PTPRG: variants seen among roughly 807,000 people sequenced by gnomAD.
The protein encoded by PTPRG is protein tyrosine phosphatase receptor type G.
Under a neutral mutation model 165.3 loss-of-function variants are expected in PTPRG, and 102 were observed. The observed-to-expected ratio is 0.62, with a 90% CI of 0.53 to 0.73. The LOEUF is 0.73. PTPRG is among the 30% of genes least tolerant of loss of function. The pLI is 0.00. For missense variants in PTPRG, 1,866 were observed against 1,861.4 expected, an observed-to-expected ratio of 1.00 and a Z score of -0.05; for synonymous variants, 675 against 669.5, an observed-to-expected ratio of 1.01 and a Z score of -0.13.
chr3:62,182,025 C>A (rs1396287502), intron 8 of PTPRG, among the ~76,000 whole-genome samples: 1 of 152,098 alleles, frequency 6.6e-6, no homozygotes, highest in Admixed American at 6.5e-5. Flanking sequence ...GTATTATATG[C>A]TATATTCTCA....
At chr3:61,762,977 G>T (rs1174119592) in intron 2 of PTPRG, among the ~76,000 whole-genome samples, 1 of 152,126 alleles carries the variant, frequency 6.6e-6, no homozygotes, top group East Asian at 1.9e-4. Flanking sequence ...ACAAAGTTCA[G>T]AGGAGAAAGG....
At chr3:61,956,662 G>C (rs543472030) in intron 2 of PTPRG, among the ~76,000 whole-genome samples, 4 of 152,116 alleles carry the variant, frequency 2.6e-5, no homozygotes, top group Non-Finnish European at 4.4e-5. Context: ...GGGCAAATGG[G>C]ACTATTACTG....
intron 6 of PTPRG, among the ~76,000 whole-genome samples, chr3:62,133,998 T>C (rs1021050575): frequency 6.6e-6 from 1 of 151,888 alleles, no homozygotes; most frequent in Non-Finnish European, 1.5e-5. Flanking sequence ...AAAAAAGATA[T>C]ATATTTCCAT....
chr3:61,683,608 G>A, intron 1 of PTPRG, among the ~76,000 whole-genome samples: 1 of 152,152 alleles, frequency 6.6e-6, no homozygotes, highest in East Asian at 1.9e-4. Context: ...AAACTAAACT[G>A]GAAATCCCTT....
chr3:61,663,594 C>T (rs1336070045), intron 1 of PTPRG, among the ~76,000 whole-genome samples: 1 of 152,028 alleles, frequency 6.6e-6, no homozygotes, highest in African/African-American at 2.4e-5. Context: ...AAGTGCATTA[C>T]ATTTATTATG....
intron 2 of PTPRG, among the ~76,000 whole-genome samples, chr3:61,911,460 G>C (rs146785175): frequency 6.6e-6 from 1 of 152,102 alleles, no homozygotes; most frequent in African/African-American, 2.4e-5. Context: ...TTTTGATTCT[G>C]CTTTTCACAT....
chr3:61,968,458 G>C lies in PTPRG; in HGVS notation c.191-21167G>C, dbSNP rs57529488. 1.7e-3 allele frequency among the ~76,000 whole-genome samples: 255 copies of C among 152,238 alleles called. 1 individual carries two copies. The highest frequency in any genetic ancestry group is 6.0e-3 in the African/African-American group (249 of 41,518). ...TGAGTTGGATTTTCTTAGGTTCTTA[G>C]ATTCCCACATGTAGACTCATTGGGC... is the stretch of plus-strand genomic sequence containing the variant. On this transcript the variant is annotated intron_variant, in intron 2 of 29. Transcript: ENST00000474889.
chr3:62,095,404 A>G (rs112208052), intron 5 of PTPRG, among the ~76,000 whole-genome samples: 23 of 152,292 alleles, frequency 1.5e-4, no homozygotes, highest in Admixed American at 7.2e-4. Context: ...TAGAGGTTAC[A>G]CCAGTAGAGG....
chr3:62,062,860 C>G (rs570533941), intron 4 of PTPRG, among the ~76,000 whole-genome samples: 11 of 152,144 alleles, frequency 7.2e-5, no homozygotes, highest in African/African-American at 2.2e-4. Context: ...CACCATGTTG[C>G]TTAGGCTGTT....
intron 2 of PTPRG, among the ~76,000 whole-genome samples, chr3:61,864,791 G>T (rs986351343): frequency 2.0e-5 from 3 of 152,124 alleles, no homozygotes; most frequent in East Asian, 3.9e-4. Flanking sequence ...TGAGAAGGAG[G>T]CATGGAAGAC....
chr3:62,161,781 T>C (rs542727560), intron 7 of PTPRG, among the ~76,000 whole-genome samples: 2 of 152,318 alleles, frequency 1.3e-5, no homozygotes, highest in Admixed American at 6.5e-5. Flanking sequence ...GTTCAGTAAG[T>C]AAAATTTCGG....
At chr3:61,939,534 A>T (rs1220605266) in intron 2 of PTPRG, among the ~76,000 whole-genome samples, 2 of 152,238 alleles carry the variant, frequency 1.3e-5, no homozygotes, top group Non-Finnish European at 2.9e-5. Context: ...AGGTTTAGCC[A>T]TGTAAAAGAA....
chr3:61,600,713 A>AT (rs1359698937), intron 1 of PTPRG, among the ~76,000 whole-genome samples: 1 of 151,774 alleles, frequency 6.6e-6, no homozygotes, highest in East Asian at 1.9e-4. Context: ...CTCATTTTTA[A>AT]TTTTTTTGTG....
At chr3:61,694,035 G>T (rs1225255657) in intron 1 of PTPRG, among the ~76,000 whole-genome samples, 1 of 151,080 alleles carries the variant, frequency 6.6e-6, no homozygotes, top group Non-Finnish European at 1.5e-5. Context: ...AAGAGAGAGA[G>T]AGAGAGAGGG....
chr3:62,165,667 C>T (rs962082268), intron 7 of PTPRG, among the ~76,000 whole-genome samples: 1 of 152,074 alleles, frequency 6.6e-6, no homozygotes, highest in Non-Finnish European at 1.5e-5. Context: ...GTTGTGAATC[C>T]GTCCTGGTTC....
intron 2 of PTPRG, among the ~76,000 whole-genome samples, chr3:61,855,937 C>A (rs1216515355): frequency 6.6e-6 from 1 of 151,922 alleles, no homozygotes. Flanking sequence ...TAGGAAGAAA[C>A]AGATATCTCT....
At chr3:61,819,110 C>T (rs2107247163) in intron 2 of PTPRG, among the ~76,000 whole-genome samples, 1 of 151,946 alleles carries the variant, frequency 6.6e-6, no homozygotes, top group South Asian at 2.1e-4. Context: ...TTTTCTTTGA[C>T]AGTAGTGTTA....
chr3:61,784,551 T>G (rs2034639682), intron 2 of PTPRG, among the ~76,000 whole-genome samples: 1 of 152,184 alleles, frequency 6.6e-6, no homozygotes, highest in African/African-American at 2.4e-5. Flanking sequence ...CATCTGTGTT[T>G]CACTTTAAGC....
At chr3:62,176,218 T>C (rs1328591267) in intron 8 of PTPRG, among the ~76,000 whole-genome samples, 4 of 151,928 alleles carry the variant, frequency 2.6e-5, no homozygotes, top group African/African-American at 7.2e-5. Context: ...GGGTGGACTT[T>C]GGAGGAGAGC....
Sources: allele counts gnomAD v4.1 joint callset (sites outside exome capture counted in the v4.1 genomes callset), GRCh38; gene constraint gnomAD v4.1.1; transcripts MANE v1.5; gene names NCBI Gene and HGNC (gene_info 2026-07-23, HGNC 2026-07-21).